Variants in PCDHA9 observed in about 807,000 individuals in gnomAD.
PCDHA9 encodes protocadherin alpha 9.
Under a neutral mutation model 62.0 loss-of-function variants are expected in PCDHA9, and 62 were observed. That is an observed-to-expected ratio of 1.00 (90% confidence interval 0.81 to 1.23). The LOEUF is 1.23. Among genes scored for constraint, PCDHA9 ranks in the 50% most tolerant of loss-of-function variants. The pLI is 0.00. For synonymous variants in PCDHA9, 557 were observed against 567.6 expected, an observed-to-expected ratio of 0.98 and a Z score of 0.27; for missense variants, 1,205 against 1,249.8, an observed-to-expected ratio of 0.96 and a Z score of 0.54.
chr5:140,854,012 A>G (rs1356134246), intron 1 of PCDHA9: 2 of 368,086 alleles, frequency 5.4e-6, no homozygotes, highest in African/African-American at 4.5e-5. Flanking sequence ...AAAAAAAAAA[A>G]TTAGCCGGGC....
At chr5:141,003,689 A>G (rs2098134450) in intron 3 of PCDHA9, among the ~76,000 whole-genome samples, 3 of 152,228 alleles carry the variant, frequency 2.0e-5, no homozygotes, top group African/African-American at 7.2e-5. Flanking sequence ...ATTTTAAAAT[A>G]TATCCCTACC....
intron 1 of PCDHA9, among the ~76,000 whole-genome samples, chr5:140,943,863 G>T (rs2093580168): frequency 1.3e-5 from 2 of 152,186 alleles, no homozygotes; most frequent in Admixed American, 1.3e-4. Context: ...TCAAGAAGAG[G>T]TCTCTGAAGT....
rs1554145527 is a variant in PCDHA9, at chr5:140,851,758, C to T, written c.2394+869C>T. The T allele has an allele frequency of 1.1e-5, 11 of 969,794 alleles. 1 individual carries two copies. The highest frequency in any genetic ancestry group is 1.4e-5 in the Non-Finnish European group (11 of 802,714). 60.1% of individuals were successfully genotyped at this position (969,794 alleles called of 1,614,324 possible). ...GAAATTCAGAGTCTGTAACTTAAAACATTACCCTTATGAATTTAGATGAGA... is the reference window on the plus strand; with the variant it reads ...GAAATTCAGAGTCTGTAACTTAAAATATTACCCTTATGAATTTAGATGAGA... On this transcript the variant is annotated intron_variant, in intron 1 of 3. Transcript: ENST00000532602.
At chr5:140,925,545 T>C (rs2082554124) in intron 1 of PCDHA9, among the ~76,000 whole-genome samples, 1 of 151,896 alleles carries the variant, frequency 6.6e-6, no homozygotes, top group Non-Finnish European at 1.5e-5. Flanking sequence ...ATACCTAATG[T>C]AAATGACAAG....
At position 140,871,188 on chromosome 5, in the gene PCDHA9, C is replaced by G. The variant is rs782347896; in HGVS notation, c.2394+20299C>G. Reference sequence around the variant, plus strand: ...GCCCAGAGGCTGCGCTGGTGGATGTCAACGTGTACCTGATCATCGCCATCT... The same window carrying G: ...GCCCAGAGGCTGCGCTGGTGGATGTGAACGTGTACCTGATCATCGCCATCT... On this transcript the variant is annotated intron_variant, in intron 1 of 3. Transcript: ENST00000532602. 9.9e-6 allele frequency: 16 copies of G among 1,613,638 alleles called. 1 individual carries two copies. In the South Asian group the frequency reaches 1.8e-4, roughly 18 times the overall value.
At chr5:140,956,331 C>T (rs1554222358) in intron 1 of PCDHA9, among the ~76,000 whole-genome samples, 1 of 152,064 alleles carries the variant, frequency 6.6e-6, no homozygotes, top group Non-Finnish European at 1.5e-5. Flanking sequence ...TCCTTCAATA[C>T]CTAGTTTATT....
intron 1 of PCDHA9, among the ~76,000 whole-genome samples, chr5:140,909,916 C>T (rs1554194012): frequency 6.6e-6 from 1 of 152,138 alleles, no homozygotes; most frequent in African/African-American, 2.4e-5. Context: ...CAATCATTTC[C>T]CTTTCCCCAA....
At chr5:140,978,713 A>G (rs2096819329) in intron 1 of PCDHA9, among the ~76,000 whole-genome samples, 1 of 152,272 alleles carries the variant, frequency 6.6e-6, no homozygotes, top group Admixed American at 6.5e-5. Flanking sequence ...GGCCTTTACA[A>G]GATTATTAAA....
At position 140,858,233 on chromosome 5, in the gene PCDHA9, G is replaced by T. The variant is rs1014024880; in HGVS notation, c.2394+7344G>T. On this transcript the variant is annotated intron_variant, in intron 1 of 3. Coordinates refer to ENST00000532602, the MANE Select transcript of PCDHA9 (RefSeq NM_031857.2). ...GTGCTCGGCGGCGCCCACCGAGGGCGCATGTGGGCCGGTGAAGCCCACGCT... is the reference window on the plus strand; with the variant it reads ...GTGCTCGGCGGCGCCCACCGAGGGCTCATGTGGGCCGGTGAAGCCCACGCT... The T allele has an allele frequency of 9.4e-6, 15 of 1,596,216 alleles. 1 individual carries two copies. Among genetic ancestry groups the T allele is most frequent in the Non-Finnish European group, 1.1e-5 (13 of 1,166,126 alleles).
chr5:140,969,314 G>A (rs200006206), intron 1 of PCDHA9: 2 of 1,614,032 alleles, frequency 1.2e-6, no homozygotes, highest in Non-Finnish European at 1.7e-6. Context: ...CAAAAATGAG[G>A]CTGTTTCTCA....
intron 1 of PCDHA9, among the ~76,000 whole-genome samples, chr5:140,890,111 A>G (rs1365246358): frequency 6.6e-6 from 1 of 152,194 alleles, no homozygotes; most frequent in Admixed American, 6.5e-5. Context: ...TCTGGATTCA[A>G]TGATGTCACT....
At chr5:140,899,980 T>TG (rs1202261789) in intron 1 of PCDHA9, among the ~76,000 whole-genome samples, 49 of 152,074 alleles carry the variant, frequency 3.2e-4, no homozygotes, top group African/African-American at 1.1e-3. Flanking sequence ...GCTACTTTTT[T>TG]GATTTTTTTT....
chr5:140,927,293 C>T (rs782386645), intron 1 of PCDHA9: 5 of 1,614,176 alleles, frequency 3.1e-6, no homozygotes, highest in Non-Finnish European at 3.4e-6. Flanking sequence ...CTGCACATCC[C>T]CGAGTTCCTG....
At chr5:140,864,213 C>T (rs1389443344) in intron 1 of PCDHA9, 1 of 152,256 alleles carries the variant, frequency 6.6e-6, no homozygotes, top group East Asian at 1.9e-4. Context: ...CAAATCTTCT[C>T]AATTTTGAAG....
chr5:140,858,383 A>G lies in PCDHA9; in HGVS notation c.2394+7494A>G, dbSNP rs181849631. Reference sequence around the variant, plus strand: ...CAGCCCCAGCCTTCCACCATGCCCAATGGTAGATGTGGACGGGGAAGATCA... The same window carrying G: ...CAGCCCCAGCCTTCCACCATGCCCAGTGGTAGATGTGGACGGGGAAGATCA... On this transcript the variant is annotated intron_variant, in intron 1 of 3. Transcript: ENST00000532602. 1,813 of 1,584,980 alleles carry G rather than the reference A, an allele frequency of 1.1e-3. 172 individuals are homozygous for G. Among genetic ancestry groups the G allele is most frequent in the Non-Finnish European group, 1.3e-3 (1,523 of 1,159,242 alleles).
At chr5:140,883,128 C>G (rs782352091) in intron 1 of PCDHA9, 1 of 1,614,060 alleles carries the variant, frequency 6.2e-7, no homozygotes, top group Non-Finnish European at 8.5e-7. Flanking sequence ...CCTGTATGGC[C>G]TGCAGTGGTA....
intron 1 of PCDHA9, among the ~76,000 whole-genome samples, chr5:140,977,651 G>T (rs1554238723): frequency 6.6e-6 from 1 of 152,136 alleles, no homozygotes; most frequent in East Asian, 1.9e-4. Flanking sequence ...CCTTGACTTT[G>T]GCTAATTCTC....
At chr5:140,857,413 G>A (rs979396078) in intron 1 of PCDHA9, 1 of 1,598,402 alleles carries the variant, frequency 6.3e-7, no homozygotes, top group African/African-American at 1.3e-5. Context: ...CTGCGTTCGC[G>A]CAGTCCGAGT....
chr5:140,884,159 A>T, intron 1 of PCDHA9: 3 of 1,613,418 alleles, frequency 1.9e-6, no homozygotes, highest in Non-Finnish European at 2.5e-6. Context: ...CACTGGCGAG[A>T]TCAGCACGAC....
Sources: allele counts gnomAD v4.1 joint callset (sites outside exome capture counted in the v4.1 genomes callset), GRCh38; gene constraint gnomAD v4.1.1; transcripts MANE v1.5; gene names NCBI Gene and HGNC (gene_info 2026-07-23, HGNC 2026-07-21).